The following KAZN variants were observed in gnomAD, a reference collection of about 807,000 sequenced individuals.
KAZN encodes kazrin.
KAZN carries 40 observed loss-of-function variants against 87.4 expected under a neutral mutation model. The observed-to-expected ratio is 0.46, with a 90% CI of 0.36 to 0.60. The LOEUF is 0.60. Ranked by LOEUF, KAZN falls within the 20% of genes least tolerant of loss-of-function variation. The pLI is 0.00. For missense variants in KAZN, 898 were observed against 1,073.9 expected (o/e 0.84, Z 2.29); for synonymous variants, 466 against 458.3 (o/e 1.02, Z -0.22).
chr1:15,100,462 C>T (rs374901946), intron 10 of KAZN, among the ~76,000 whole-genome samples: 16 of 152,322 alleles, frequency 1.1e-4, no homozygotes, highest in African/African-American at 2.9e-4. Context: ...CTTAGACCAG[C>T]GCTCTCCCAC....
At chr1:13,929,300 T>C (rs1337275893) in intron 1 of KAZN, among the ~76,000 whole-genome samples, 1 of 152,126 alleles carries the variant, frequency 6.6e-6, no homozygotes, top group Non-Finnish European at 1.5e-5. Context: ...GTCTTGAACG[T>C]GTCTTGATTT....
chr1:14,229,402 A>G (rs892641281), intron 2 of KAZN, among the ~76,000 whole-genome samples: 4 of 152,204 alleles, frequency 2.6e-5, no homozygotes, highest in African/African-American at 9.7e-5. Flanking sequence ...TTGAGGTGTT[A>G]TTCTCTAAAT....
Position 14,189,080 on chromosome 1 carries a change from G to A in KAZN, c.249+8488G>A, listed in dbSNP as rs116130760. ...ATCTGACGTTGAACCTGGGAATACA[G>A]CCAGTAAGACTCCTTGGTGCCAACT... is the stretch of plus-strand genomic sequence containing the variant. On this transcript the variant is annotated intron_variant, in intron 2 of 16. Transcript: ENST00000636203. Among the ~76,000 whole-genome samples the A allele has an allele frequency of 5.7e-3, 869 of 152,254 alleles. 7 individuals are homozygous for A. The highest frequency in any genetic ancestry group is 9.2e-3 in the Admixed American group (141 of 15,286).
chr1:14,223,509 C>T (rs530574881), intron 2 of KAZN, among the ~76,000 whole-genome samples: 1 of 152,228 alleles, frequency 6.6e-6, no homozygotes, highest in East Asian at 1.9e-4. Context: ...ACATTTCCTG[C>T]CCATGCTCCT....
At chr1:14,001,240 A>G (rs1639779568) in intron 1 of KAZN, among the ~76,000 whole-genome samples, 2 of 152,144 alleles carry the variant, frequency 1.3e-5, no homozygotes, top group Non-Finnish European at 2.9e-5. Context: ...TCATGAATGA[A>G]CTCCCATTGA....
Position 15,034,750 on chromosome 1 carries a change from C to T in KAZN, c.420C>T (p.Ala140=), listed in dbSNP as rs1490493165. 2.5e-6 allele frequency: 4 copies of T among 1,614,158 alleles called. No homozygotes were observed. In the South Asian group the frequency reaches 4.4e-5, roughly 18 times the overall value. Residue 140 remains alanine (A), a splice_region_variant and synonymous_variant, in exon 3 of 15, where the codon GCC becomes GCT. Coordinates refer to ENST00000376030, the MANE Select transcript of KAZN (RefSeq NM_201628.3). ...ELARAKEALQ[A]MKADRKRLKG... is the part of the protein sequence containing the mutation. The stretch of plus-strand genomic sequence containing the variant: ...ACTAACTCTCTCCTTTATCCCCAGC[C>T]ATGAAAGCTGATCGGAAGCGCTTAA...
intron 2 of KAZN, among the ~76,000 whole-genome samples, chr1:14,532,748 G>T (rs1254905420): frequency 1.1e-4 from 17 of 150,716 alleles, no homozygotes; most frequent in Non-Finnish European, 1.0e-4. Context: ...GTGATAGTTT[G>T]CTGAGAATGC....
At chr1:14,361,361 T>G (rs1659496691) in intron 2 of KAZN, among the ~76,000 whole-genome samples, 1 of 152,230 alleles carries the variant, frequency 6.6e-6, no homozygotes, top group African/African-American at 2.4e-5. Context: ...GGATCTTAGC[T>G]TGCTGGGCTC....
chr1:13,906,586 T>C (rs1639445882), intron 1 of KAZN, among the ~76,000 whole-genome samples: 1 of 152,206 alleles, frequency 6.6e-6, no homozygotes. Context: ...TTGGCTTCCA[T>C]ATATGTGTGA....
intron 2 of KAZN, among the ~76,000 whole-genome samples, chr1:14,384,672 G>A (rs1661701841): frequency 6.6e-6 from 1 of 152,168 alleles, no homozygotes; most frequent in East Asian, 1.9e-4. Context: ...AAGCCCACTT[G>A]ATCATGGTGG....
intron 1 of KAZN, among the ~76,000 whole-genome samples, chr1:13,956,363 C>T (rs1329304614): frequency 2.0e-5 from 3 of 150,366 alleles, no homozygotes; most frequent in Non-Finnish European, 4.4e-5. Context: ...GTTCCAGCCC[C>T]AAGTCTCTCG....
intron 1 of KAZN, among the ~76,000 whole-genome samples, chr1:14,624,884 G>A (rs1448265759): frequency 1.3e-5 from 2 of 151,996 alleles, no homozygotes; most frequent in East Asian, 3.9e-4. Context: ...AGACCTTATC[G>A]CTCTCTGTCT....
At chr1:14,039,148 C>T (rs887932299) in intron 1 of KAZN, among the ~76,000 whole-genome samples, 4 of 139,478 alleles carry the variant, frequency 2.9e-5, no homozygotes, top group Admixed American at 7.7e-5. Context: ...TCCAGCCTGG[C>T]GTCAGAGTGA....
chr1:14,529,228 TG>T (rs1672081332), intron 2 of KAZN, among the ~76,000 whole-genome samples: 1 of 152,102 alleles, frequency 6.6e-6, no homozygotes, highest in Non-Finnish European at 1.5e-5. Context: ...CGCTTGAACC[TG>T]GGAGGCAGAG....
chr1:13,910,173 C>T (rs1325614587), intron 1 of KAZN, among the ~76,000 whole-genome samples: 1 of 152,070 alleles, frequency 6.6e-6, no homozygotes, highest in Non-Finnish European at 1.5e-5. Flanking sequence ...CTTGATGCTG[C>T]TGCGGCGATA....
At chr1:15,017,313 A>G (rs1280016133) in intron 2 of KAZN, among the ~76,000 whole-genome samples, 1 of 152,066 alleles carries the variant, frequency 6.6e-6, no homozygotes, top group Non-Finnish European at 1.5e-5. Flanking sequence ...AAAAGACCTT[A>G]TCTGTCTTAT....
At position 13,977,565 on chromosome 1, in the gene KAZN, GGA is replaced by G. The variant is rs112681046; in HGVS notation, c.91+83814_91+83815del. ...ACAAGAACTTGAGAGGCCAAATTTTGGAGAGAAGAAAATCTTATTCATGTCAA... is the reference window on the plus strand; with the variant it reads ...ACAAGAACTTGAGAGGCCAAATTTTGGAGAAGAAAATCTTATTCATGTCAA... On this transcript the variant is annotated intron_variant, in intron 1 of 16. Transcript: ENST00000636203. 1.5e-3 allele frequency among the ~76,000 whole-genome samples: 227 copies of G among 152,230 alleles called. 1 individual carries two copies. The highest frequency in any genetic ancestry group is 6.8e-3 in the Middle Eastern group (2 of 294).
At chr1:14,239,675 G>A (rs1425744912) in intron 2 of KAZN, among the ~76,000 whole-genome samples, 1 of 151,672 alleles carries the variant, frequency 6.6e-6, no homozygotes, top group Non-Finnish European at 1.5e-5. Flanking sequence ...GGTCAGGCTG[G>A]TCTCGAACTC....
chr1:14,854,268 G>T lies in KAZN; in HGVS notation c.227-106416G>T, dbSNP rs550406435. ...GGTGAGTGCTTCCAGCTACCATAGTGCCTAAGACAGACTCTGAGTGCCTCG... is the reference window on the plus strand; with the variant it reads ...GGTGAGTGCTTCCAGCTACCATAGTTCCTAAGACAGACTCTGAGTGCCTCG... On this transcript the variant is annotated intron_variant, in intron 1 of 14. Coordinates refer to ENST00000376030, the MANE Select transcript of KAZN (RefSeq NM_201628.3). Among the ~76,000 whole-genome samples the T allele has an allele frequency of 2.6e-5, 4 of 152,340 alleles. No individual in the cohort carries two copies. In the East Asian group the frequency reaches 5.8e-4, roughly 22 times the overall value.
Sources: gnomAD v4.1 joint callset for allele counts (sites outside exome capture counted in the v4.1 genomes callset) on GRCh38, gnomAD v4.1.1 for gene constraint, MANE v1.5 for transcripts, NCBI Gene and HGNC (gene_info 2026-07-23, HGNC 2026-07-21) for gene names.